Variants in MTHFD1 observed in about 807,000 individuals in gnomAD.
MTHFD1 encodes the protein methylenetetrahydrofolate dehydrogenase, cyclohydrolase and formyltetrahydrofolate synthetase 1, also known as C-1-tetrahydrofolate synthase, cytoplasmic.
Under a neutral mutation model 110.3 loss-of-function variants are expected in MTHFD1, and 44 were observed. That is an observed-to-expected ratio of 0.40 (90% confidence interval 0.31 to 0.51). MTHFD1 has a LOEUF of 0.51. Among genes scored for constraint, MTHFD1 ranks in the 20% least tolerant of loss-of-function variants. The pLI, the probability that MTHFD1 is intolerant of heterozygous loss-of-function variation, is 0.60. For missense variants in MTHFD1, 909 were observed against 1,173.1 expected, an observed-to-expected ratio of 0.77 and a Z score of 3.29; for synonymous variants, 402 against 428.8, an observed-to-expected ratio of 0.94 and a Z score of 0.77.
At chr14:64,397,099 CGT>C (rs1566552962) in intron 1 of MTHFD1, among the ~76,000 whole-genome samples, 496 of 38,070 alleles carry the variant, frequency 0.013, 16 homozygotes, top group African/African-American at 0.064. Context: ...AGGGAGACTG[CGT>C]CTCAAAAAAA....
At chr14:64,394,088 C>A (rs2077828194) in intron 1 of MTHFD1, among the ~76,000 whole-genome samples, 1 of 152,120 alleles carries the variant, frequency 6.6e-6, no homozygotes, top group Admixed American at 6.6e-5. Flanking sequence ...GGTTGGCTCT[C>A]CTTTGCACCC....
intron 1 of MTHFD1, among the ~76,000 whole-genome samples, chr14:64,393,790 G>A (rs1467317873): frequency 6.6e-6 from 1 of 152,186 alleles, no homozygotes; most frequent in Non-Finnish European, 1.5e-5. Flanking sequence ...GAATCTTCTA[G>A]AAGGAAAGCT....
Position 64,415,457 on chromosome 14 carries a change from G to T in MTHFD1, c.340G>T (p.Val114Leu), listed in dbSNP as rs1396799367. The change falls in exon 5 of 28, where the codon GTG becomes TTG. Residue 114 changes from valine (V) to leucine (L), a missense_variant. Around this residue, in one of 3 missense-constraint regions of MTHFD1, gnomAD observed 424 missense variants for 510.4 expected, o/e 0.83. Coordinates refer to ENST00000652337, the MANE Select transcript of MTHFD1 (RefSeq NM_005956.4). ...AGAGAATTCCATTAACACTGAAGAA[G>T]TGATCAATGCTATTGCACCCGAGAA... is the stretch of plus-strand genomic sequence containing the variant. ...DSENSINTEEVINAIAPEKDV... is the reference protein window; with the variant it reads ...DSENSINTEELINAIAPEKDV... 6 of 1,614,004 alleles carry T rather than the reference G, an allele frequency of 3.7e-6. No individual in the cohort carries two copies. In the African/African-American group the frequency reaches 6.7e-5, roughly 18 times the overall value.
At chr14:64,433,037 C>T (rs2078172288) in intron 15 of MTHFD1, among the ~76,000 whole-genome samples, 2 of 152,290 alleles carry the variant, frequency 1.3e-5, no homozygotes, top group Middle Eastern at 3.4e-3. Context: ...GTTGGGATTA[C>T]TGGCGTGAGC....
chr14:64,443,121 C>A (rs2078261257), intron 21 of MTHFD1, among the ~76,000 whole-genome samples: 1 of 152,180 alleles, frequency 6.6e-6, no homozygotes, highest in Admixed American at 6.5e-5. Context: ...GAAATAAGGA[C>A]TCCCTGGCCT....
chr14:64,431,790 C>G lies in MTHFD1; in HGVS notation c.1423C>G (p.Leu475Val), dbSNP rs1401957760. The change falls in exon 15 of 28, where the codon CTC becomes GTC. Residue 475 changes from leucine (L) to valine (V), a missense_variant. Transcript: ENST00000652337. Reference sequence around the variant, plus strand: ...AAGCCCCTTTCTTTTCTTTAAGGCTCTCTTTAATCGTTTGGTGCCATCAGT... The same window carrying G: ...AAGCCCCTTTCTTTTCTTTAAGGCTGTCTTTAATCGTTTGGTGCCATCAGT... Reference protein sequence around the residue: ...FHELTQTDKALFNRLVPSVNG... With the variant: ...FHELTQTDKAVFNRLVPSVNG... 1.2e-6 allele frequency: 2 copies of G among 1,614,110 alleles called. No homozygotes were observed. The highest frequency in any genetic ancestry group is 2.2e-5 in the East Asian group (1 of 44,878).
rs1363279866 is a variant in MTHFD1, at chr14:64,455,490, G to A, written c.2718+615G>A. On this transcript the variant is annotated intron_variant, in intron 26 of 27. Coordinates refer to ENST00000652337, the MANE Select transcript of MTHFD1 (RefSeq NM_005956.4). ...ATTGCCAGTTGGGAAGCAGAGGGGA[G>A]GGATGCTTAAGGACATAATCATAGT... Among the ~76,000 whole-genome samples, 3 of 152,172 alleles carry A rather than the reference G, an allele frequency of 2.0e-5. No individual in the cohort carries two copies. The East Asian group carries it at 5.8e-4, about 29-fold the overall frequency.
chr14:64,412,654 T>G, intron 4 of MTHFD1, 129 bp downstream of exon 4: 1 of 678,698 alleles, frequency 1.5e-6, no homozygotes, highest in Non-Finnish European at 2.6e-6. Flanking sequence ...TTTTTTTTTT[T>G]GAGACACAGT....
chr14:64,402,414 C>T (rs1232402657), intron 2 of MTHFD1, among the ~76,000 whole-genome samples: 1 of 152,174 alleles, frequency 6.6e-6, no homozygotes, highest in Non-Finnish European at 1.5e-5. Context: ...AATTTTCACC[C>T]AAAAACTCAC....
At chr14:64,391,975 G>A (rs1031154681) in intron 1 of MTHFD1, among the ~76,000 whole-genome samples, 1 of 152,034 alleles carries the variant, frequency 6.6e-6, no homozygotes, top group Non-Finnish European at 1.5e-5. Flanking sequence ...GAGCTGGTGG[G>A]AAGCACAAAG....
At chr14:64,431,731 C>T in intron 14 of MTHFD1, 56 bp from the exon 15 acceptor site, 1 of 1,592,642 alleles carries the variant, frequency 6.3e-7, no homozygotes, top group Non-Finnish European at 8.6e-7. Flanking sequence ...GCTGAGGATG[C>T]AGGTAGCAAA....
chr14:64,450,550 G>A (rs2078354437), intron 24 of MTHFD1, among the ~76,000 whole-genome samples: 1 of 152,144 alleles, frequency 6.6e-6, no homozygotes, highest in African/African-American at 2.4e-5. Context: ...TTATTATAGG[G>A]TTGTGTTTTG....
Position 64,393,724 on chromosome 14 carries a change from A to C in MTHFD1, c.41+5256A>C, listed in dbSNP as rs971347536. Among the ~76,000 whole-genome samples the C allele has an allele frequency of 2.0e-5, 3 of 152,184 alleles. No homozygotes were observed. The East Asian group carries it at 5.8e-4, about 29-fold the overall frequency. ...GGATCAGGCAGTTTGGGATTTGGGT[A>C]GTGGGGTTTTGAGCAGAGGTCTGTG... On this transcript the variant is annotated intron_variant, in intron 1 of 27. Transcript: ENST00000652337.
In MTHFD1 at chr14:64,415,516, A is replaced by ATG. The variant is rs778234240; in HGVS notation, c.377+24_377+25dup. The ATG allele has an allele frequency of 6.2e-6, 10 of 1,614,032 alleles. No homozygotes were observed. In the East Asian group the frequency reaches 2.2e-4, roughly 36 times the overall value. Reference sequence around the variant, plus strand: ...ATGGGTAAGTGTGGCTTGGCTTCCTATGTCTCATTGCATGCTTTCATTTAT... The same window carrying ATG: ...ATGGGTAAGTGTGGCTTGGCTTCCTATGTGTCTCATTGCATGCTTTCATTTAT... On this transcript the variant is annotated intron_variant, in intron 5 of 27. Coordinates refer to ENST00000652337, the MANE Select transcript of MTHFD1 (RefSeq NM_005956.4).
intron 1 of MTHFD1, among the ~76,000 whole-genome samples, chr14:64,389,386 T>C (rs1018439927): frequency 6.6e-6 from 1 of 152,212 alleles, no homozygotes; most frequent in Admixed American, 6.5e-5. Context: ...AACTTTGTAA[T>C]AGGTTTTTGA....
At position 64,400,886 on chromosome 14, in the gene MTHFD1, A is replaced by C; in HGVS notation, c.126+9A>C. On this transcript the variant is annotated intron_variant, in intron 2 of 27. Coordinates refer to ENST00000652337, the MANE Select transcript of MTHFD1 (RefSeq NM_005956.4). ...GCCTGGCAATATTACAGGTATTATG[A>C]TAGTGTATTTTCATTAATGTTGTCT... 1.3e-6 allele frequency: 2 copies of C among 1,578,860 alleles called. No homozygotes were observed. The highest frequency in any genetic ancestry group is 1.7e-6 in the Non-Finnish European group (2 of 1,148,842).
intron 21 of MTHFD1, among the ~76,000 whole-genome samples, chr14:64,444,328 C>G (rs981601248): frequency 6.6e-6 from 1 of 151,906 alleles, no homozygotes; most frequent in East Asian, 1.9e-4. Flanking sequence ...AGGGTGACTT[C>G]CGCAGGCCCG....
intron 2 of MTHFD1, among the ~76,000 whole-genome samples, chr14:64,404,686 G>C (rs1173938133): frequency 6.6e-6 from 1 of 152,038 alleles, no homozygotes; most frequent in Non-Finnish European, 1.5e-5. Flanking sequence ...GAATGTCAAG[G>C]TGGGCATGGT....
intron 21 of MTHFD1, among the ~76,000 whole-genome samples, chr14:64,443,227 T>C (rs1184242462): frequency 6.6e-6 from 1 of 152,252 alleles, no homozygotes; most frequent in African/African-American, 2.4e-5. Flanking sequence ...TTGACAGTTA[T>C]TGAGAGCCTA....
Sources: gnomAD v4.1 joint callset for allele counts (sites outside exome capture counted in the v4.1 genomes callset) on GRCh38, gnomAD v4.1.1 for gene constraint, gnomAD v4.1.1 regional missense constraint, MANE v1.5 for transcripts, NCBI Gene and HGNC (gene_info 2026-07-23, HGNC 2026-07-21) for gene names.